Variants in DLG2 observed in about 807,000 individuals in gnomAD.
The protein encoded by DLG2 is disks large homolog 2.
DLG2 carries 45 observed loss-of-function variants against 132.5 expected under a neutral mutation model. The observed-to-expected ratio is 0.34, with a 90% CI of 0.27 to 0.44. The LOEUF is 0.44. Among genes scored for constraint, DLG2 ranks in the 20% least tolerant of loss-of-function variants. The pLI is 1.00. For synonymous variants in DLG2, 424 were observed against 419.6 expected, an observed-to-expected ratio of 1.01 and a Z score of -0.13; for missense variants, 1,045 against 1,196.9, an observed-to-expected ratio of 0.87 and a Z score of 1.87.
chr11:84,587,685 T>A (rs963815167), intron 6 of DLG2, among the ~76,000 whole-genome samples: 1 of 152,170 alleles, frequency 6.6e-6, no homozygotes, highest in African/African-American at 2.4e-5. Context: ...GGCAGGTTTA[T>A]TCCTTGGTCA....
At chr11:85,507,170 C>T (rs2093955073) in intron 3 of DLG2, among the ~76,000 whole-genome samples, 1 of 152,104 alleles carries the variant, frequency 6.6e-6, no homozygotes, top group Non-Finnish European at 1.5e-5. Flanking sequence ...GTCCAATTTG[C>T]CAGTCTTTGT....
At chr11:84,739,752 G>C (rs2064345744) in intron 6 of DLG2, among the ~76,000 whole-genome samples, 1 of 152,124 alleles carries the variant, frequency 6.6e-6, no homozygotes, top group Non-Finnish European at 1.5e-5. Context: ...CTAGGTGAAG[G>C]ATGTAGCCAT....
chr11:84,165,426 A>G (rs965010719), intron 8 of DLG2, among the ~76,000 whole-genome samples: 3 of 152,174 alleles, frequency 2.0e-5, no homozygotes, highest in African/African-American at 7.2e-5. Context: ...ATATATGCAT[A>G]TCCTAATTGG....
At chr11:84,334,403 C>G (rs1183969472) in intron 7 of DLG2, among the ~76,000 whole-genome samples, 1 of 152,172 alleles carries the variant, frequency 6.6e-6, no homozygotes, top group African/African-American at 2.4e-5. Context: ...CATCCTTACC[C>G]ACTAGCAGAT....
intron 4 of DLG2, among the ~76,000 whole-genome samples, chr11:85,235,800 C>A (rs2075555824): frequency 6.6e-6 from 1 of 151,626 alleles, no homozygotes; most frequent in Non-Finnish European, 1.5e-5. Context: ...TTTTTGAAGG[C>A]TTTGAATGCC....
intron 8 of DLG2, among the ~76,000 whole-genome samples, chr11:84,239,482 T>G (rs1013649119): frequency 4.6e-5 from 7 of 152,086 alleles, no homozygotes; most frequent in African/African-American, 1.7e-4. Flanking sequence ...ATGCCCAGCC[T>G]GGAATTTAAA....
intron 19 of DLG2, among the ~76,000 whole-genome samples, chr11:83,576,629 T>C (rs2096878074): frequency 6.6e-6 from 1 of 152,184 alleles, no homozygotes; most frequent in Non-Finnish European, 1.5e-5. Context: ...GAAGGCAACA[T>C]CTTTAAAGTT....
At chr11:85,171,684 G>C (rs1353089230) in intron 4 of DLG2, among the ~76,000 whole-genome samples, 1 of 152,184 alleles carries the variant, frequency 6.6e-6, no homozygotes, top group Non-Finnish European at 1.5e-5. Context: ...CCAGCCAGTG[G>C]CAGCAGGCTG....
chr11:84,374,677 C>T (rs2098721979), intron 7 of DLG2, among the ~76,000 whole-genome samples: 1 of 152,104 alleles, frequency 6.6e-6, no homozygotes, highest in Non-Finnish European at 1.5e-5. Context: ...TCAACTCTGG[C>T]AACACCTTCC....
chr11:85,581,704 G>C (rs1399638067), intron 3 of DLG2, among the ~76,000 whole-genome samples: 1 of 152,084 alleles, frequency 6.6e-6, no homozygotes, highest in Non-Finnish European at 1.5e-5. Context: ...ATTCTAACCA[G>C]GTGGAACATT....
At chr11:83,521,763 T>C (rs1214632054) in intron 21 of DLG2, among the ~76,000 whole-genome samples, 1 of 152,112 alleles carries the variant, frequency 6.6e-6, no homozygotes, top group Non-Finnish European at 1.5e-5. Flanking sequence ...CTACATGCCA[T>C]TGCCATCTGT....
intron 3 of DLG2, 42 bp downstream of exon 3, chr11:85,598,615 A>C (rs1259406690): frequency 2.0e-6 from 3 of 1,472,196 alleles, no homozygotes; most frequent in Non-Finnish European, 1.8e-6. Context: ...ATCAAGCCCA[A>C]TTCTGACCAT....
intron 6 of DLG2, among the ~76,000 whole-genome samples, chr11:84,648,255 T>C (rs929954316): frequency 6.6e-6 from 1 of 152,276 alleles, no homozygotes; most frequent in Middle Eastern, 3.4e-3. Context: ...ACCCCCTTCA[T>C]AGAAGAAGAA....
At chr11:84,043,378 T>G (rs2096149608) in intron 11 of DLG2, among the ~76,000 whole-genome samples, 1 of 151,670 alleles carries the variant, frequency 6.6e-6, no homozygotes, top group Non-Finnish European at 1.5e-5. Flanking sequence ...TTTTTTGGAT[T>G]TTTAATTTAA....
chr11:83,687,957 A>T (rs1185705569), intron 18 of DLG2, among the ~76,000 whole-genome samples: 1 of 151,364 alleles, frequency 6.6e-6, no homozygotes, highest in Non-Finnish European at 1.5e-5. Flanking sequence ...ACAGTGAGGT[A>T]TGGTCACGTC....
chr11:83,699,937 GCACA>G (rs140957816), intron 18 of DLG2, among the ~76,000 whole-genome samples: 214 of 142,356 alleles, frequency 1.5e-3, no homozygotes, highest in African/African-American at 1.1e-3. Flanking sequence ...CACCACACAT[GCACA>G]CACACACACA....
intron 3 of DLG2, among the ~76,000 whole-genome samples, chr11:85,474,132 A>T (rs1216666675): frequency 6.6e-6 from 1 of 152,012 alleles, no homozygotes; most frequent in Non-Finnish European, 1.5e-5. Flanking sequence ...ATGATGAAAT[A>T]AAAAAATTAA....
chr11:85,180,976 A>C (rs940999740), intron 4 of DLG2, among the ~76,000 whole-genome samples: 5 of 151,822 alleles, frequency 3.3e-5, no homozygotes, highest in Admixed American at 3.3e-4. Context: ...CTGAATTATA[A>C]TCAAATAGAC....
At chr11:85,484,572 A>G (rs2093383367) in intron 3 of DLG2, among the ~76,000 whole-genome samples, 1 of 151,948 alleles carries the variant, frequency 6.6e-6, no homozygotes, top group African/African-American at 2.4e-5. Flanking sequence ...AAAAGAAGAC[A>G]TTTATGCAGC....
Sources: gnomAD v4.1 joint callset for allele counts (sites outside exome capture counted in the v4.1 genomes callset) on GRCh38, gnomAD v4.1.1 for gene constraint, MANE v1.5 for transcripts, NCBI Gene and HGNC (gene_info 2026-07-23, HGNC 2026-07-21) for gene names.